The following HHAT variants were observed in gnomAD, a reference collection of about 807,000 sequenced individuals.
HHAT encodes hedgehog acyltransferase.
Under a neutral mutation model 70.8 loss-of-function variants are expected in HHAT, and 47 were observed. That is an observed-to-expected ratio of 0.66 (90% CI 0.53 to 0.85). The LOEUF (loss-of-function observed/expected upper bound fraction) is 0.85, where lower values mean the gene tolerates loss of function less well. Ranked by LOEUF, HHAT falls within the 40% of genes least tolerant of loss-of-function variation. HHAT has a pLI of 0.00. For synonymous variants in HHAT, 228 were observed against 247.6 expected (o/e 0.92, Z 0.74); for missense variants, 609 against 604.8 (o/e 1.01, Z -0.07).
At chr1:210,393,006 T>G (rs998904028) in intron 4 of HHAT, among the ~76,000 whole-genome samples, 1 of 152,144 alleles carries the variant, frequency 6.6e-6, no homozygotes, top group African/African-American at 2.4e-5. Context: ...TCTCCTCTCG[T>G]GGGAGGCAGT....
intron 9 of HHAT, among the ~76,000 whole-genome samples, chr1:210,585,075 T>G (rs1387688675): frequency 6.6e-6 from 1 of 152,246 alleles, no homozygotes; most frequent in East Asian, 1.9e-4. Context: ...CCTTCAAGTT[T>G]AATTGTTCCT....
chr1:210,541,733 CAAACAAA>C (rs1398719158), intron 9 of HHAT, among the ~76,000 whole-genome samples: 2 of 152,008 alleles, frequency 1.3e-5, no homozygotes. Context: ...TCTCAAAAAA[CAAACAAA>C]AAACAAAACA....
At chr1:210,566,922 G>A (rs1654894364) in intron 9 of HHAT, among the ~76,000 whole-genome samples, 2 of 152,230 alleles carry the variant, frequency 1.3e-5, no homozygotes, top group African/African-American at 4.8e-5. Context: ...GCCATTCACA[G>A]ATGGCAAGGC....
intron 10 of HHAT, among the ~76,000 whole-genome samples, chr1:210,597,603 G>A (rs891918590): frequency 6.6e-6 from 1 of 152,022 alleles, no homozygotes; most frequent in African/African-American, 2.4e-5. Context: ...CTTCTCCCTT[G>A]GCTACCACCA....
intron 11 of HHAT, among the ~76,000 whole-genome samples, chr1:210,671,866 C>G (rs909635604): frequency 1.3e-5 from 2 of 152,226 alleles, no homozygotes; most frequent in Non-Finnish European, 2.9e-5. Context: ...TGCCAGGGGT[C>G]GTCTGCTGCC....
intron 1 of HHAT, among the ~76,000 whole-genome samples, chr1:210,340,772 C>T (rs912927146): frequency 6.6e-6 from 1 of 152,132 alleles, no homozygotes; most frequent in African/African-American, 2.4e-5. Context: ...TACATTTAGA[C>T]CACTTATATT....
chr1:210,605,204 C>T (rs1165294175), intron 10 of HHAT, among the ~76,000 whole-genome samples: 1 of 152,172 alleles, frequency 6.6e-6, no homozygotes, highest in Non-Finnish European at 1.5e-5. Context: ...GTAGGTGTTA[C>T]TACCTCCAGT....
chr1:210,623,927 A>G (rs1432212457), intron 11 of HHAT, among the ~76,000 whole-genome samples: 1 of 152,164 alleles, frequency 6.6e-6, no homozygotes, highest in African/African-American at 2.4e-5. Flanking sequence ...ACTCTCCCAA[A>G]GTGTATATTC....
chr1:210,635,497 G>A (rs1197389151), intron 11 of HHAT, among the ~76,000 whole-genome samples: 1 of 152,166 alleles, frequency 6.6e-6, no homozygotes, highest in Non-Finnish European at 1.5e-5. Context: ...AGCAGTACTA[G>A]GCGCAGGGTG....
chr1:210,407,310 A>C (rs1362416774), intron 6 of HHAT, among the ~76,000 whole-genome samples: 1 of 152,356 alleles, frequency 6.6e-6, no homozygotes, highest in East Asian at 1.9e-4. Flanking sequence ...GCCTTCAGCT[A>C]TAAGGATTGG....
chr1:210,488,704 G>A (rs2094508204), intron 8 of HHAT, among the ~76,000 whole-genome samples: 1 of 152,122 alleles, frequency 6.6e-6, no homozygotes, highest in Non-Finnish European at 1.5e-5. Context: ...ACCAGCCTGG[G>A]CAATACAGTG....
At position 210,539,629 on chromosome 1, in the gene HHAT, G is replaced by C. The variant is rs534079977; in HGVS notation, c.1043+26441G>C. ...TGAGGACTCGAGGTAGAGAGTCACAGAGATGGGGGTGTTGTCAGCGGCTCC... is the reference window on the plus strand; with the variant it reads ...TGAGGACTCGAGGTAGAGAGTCACACAGATGGGGGTGTTGTCAGCGGCTCC... On this transcript the variant is annotated intron_variant, in intron 9 of 11. Coordinates refer to ENST00000261458, the MANE Select transcript of HHAT (RefSeq NM_018194.6). 1.2e-4 allele frequency among the ~76,000 whole-genome samples: 19 copies of C among 152,332 alleles called. 1 individual carries two copies. In the South Asian group the frequency reaches 3.3e-3, roughly 27 times the overall value.
At position 210,599,729 on chromosome 1, in the gene HHAT, TC is replaced by T. The variant is rs796267717; in HGVS notation, c.1245+11635del. 6.6e-4 allele frequency among the ~76,000 whole-genome samples: 100 copies of T among 152,158 alleles called. 1 individual carries two copies. The highest frequency in any genetic ancestry group is 2.3e-3 in the African/African-American group (96 of 41,528). ...TAGGTAATCCCTTGCTTCCACTTCC[TC>T]CCCCTTCCATTTATTATCCTCATAG... On this transcript the variant is annotated intron_variant, in intron 10 of 11. Transcript: ENST00000261458.
At chr1:210,346,944 C>G (rs1468198368) in intron 1 of HHAT, among the ~76,000 whole-genome samples, 1 of 152,168 alleles carries the variant, frequency 6.6e-6, no homozygotes, top group Non-Finnish European at 1.5e-5. Context: ...TTATGGTGTA[C>G]AATGTGATGT....
chr1:210,569,231 G>A (rs1445453662), intron 9 of HHAT, among the ~76,000 whole-genome samples: 3 of 151,616 alleles, frequency 2.0e-5, no homozygotes, highest in Admixed American at 1.3e-4. Flanking sequence ...AAAATTAGCC[G>A]GGTGCAGTGG....
chr1:210,562,732 G>A (rs1198748060), intron 9 of HHAT, among the ~76,000 whole-genome samples: 1 of 151,452 alleles, frequency 6.6e-6, no homozygotes, highest in Non-Finnish European at 1.5e-5. Flanking sequence ...GTATACACGT[G>A]CCATGTTGGT....
intron 4 of HHAT, among the ~76,000 whole-genome samples, 162 bp from the exon 5 acceptor site, chr1:210,400,306 A>G (rs1347117239): frequency 2.6e-5 from 4 of 152,180 alleles, no homozygotes; most frequent in African/African-American, 9.7e-5. Flanking sequence ...GTGTTGTACC[A>G]AAATTCCCAG....
chr1:210,335,181 T>C (rs901843805), intron 1 of HHAT, among the ~76,000 whole-genome samples: 6 of 152,246 alleles, frequency 3.9e-5, no homozygotes, highest in African/African-American at 1.4e-4. Context: ...AAAAGGATAA[T>C]AAATCATGAC....
intron 6 of HHAT, among the ~76,000 whole-genome samples, chr1:210,416,340 G>A (rs570960694): frequency 1.3e-5 from 2 of 152,238 alleles, no homozygotes; most frequent in Admixed American, 1.3e-4. Flanking sequence ...TTCCTCTACC[G>A]GCTAATGTGT....
Sources: gnomAD v4.1 joint callset for allele counts (sites outside exome capture counted in the v4.1 genomes callset) on GRCh38, gnomAD v4.1.1 for gene constraint, MANE v1.5 for transcripts, NCBI Gene and HGNC (gene_info 2026-07-23, HGNC 2026-07-21) for gene names.